KIF14: variants seen among roughly 807,000 people sequenced by gnomAD.
KIF14 encodes the protein kinesin family member 14, also known as kinesin-like protein KIF14.
Under a neutral mutation model 176.2 loss-of-function variants are expected in KIF14, and 98 were observed. The ratio of observed to expected loss-of-function variants is 0.56; its 90% CI spans 0.47 to 0.66. The LOEUF (loss-of-function observed/expected upper bound fraction) is 0.66. Ranked by LOEUF, KIF14 falls within the 30% of genes least tolerant of loss-of-function variation. The pLI, the probability that KIF14 is intolerant of heterozygous loss-of-function variation, is 0.00. For synonymous variants in KIF14, 566 were observed against 632.2 expected (o/e 0.90, Z 1.57); for missense variants, 1,751 against 1,920.4 (o/e 0.91, Z 1.65).
intron 16 of KIF14, 44 bp downstream of exon 16, chr1:200,592,036 A>T: frequency 3.4e-6 from 5 of 1,458,004 alleles, no homozygotes; most frequent in Non-Finnish European, 3.8e-6. Context: ...TCTGTTGTAG[A>T]TCTCTCTCAT....
intron 21 of KIF14, among the ~76,000 whole-genome samples, chr1:200,578,118 T>C (rs566715963): frequency 6.6e-6 from 1 of 152,314 alleles, no homozygotes; most frequent in East Asian, 1.9e-4. Flanking sequence ...TAACATACTT[T>C]TTAAATGTTC....
At chr1:200,563,889 T>A (rs993689688) in intron 25 of KIF14, among the ~76,000 whole-genome samples, 1 of 152,126 alleles carries the variant, frequency 6.6e-6, no homozygotes, top group Non-Finnish European at 1.5e-5. Context: ...TGCAGCTAGA[T>A]GTAGTCAAAT....
At chr1:200,599,435 T>C (rs940860017) in intron 13 of KIF14, among the ~76,000 whole-genome samples, 2 of 152,204 alleles carry the variant, frequency 1.3e-5, no homozygotes, top group African/African-American at 4.8e-5. Flanking sequence ...ATTAAAATCT[T>C]ACCCAAACTT....
chr1:200,591,329 C>T (rs938933269), intron 16 of KIF14, among the ~76,000 whole-genome samples: 4 of 152,118 alleles, frequency 2.6e-5, no homozygotes, highest in Non-Finnish European at 4.4e-5. Context: ...ACTATATTTA[C>T]CTTACTTCAA....
At chr1:200,574,451 T>G (rs1657987464) in intron 22 of KIF14, among the ~76,000 whole-genome samples, 1 of 152,218 alleles carries the variant, frequency 6.6e-6, no homozygotes, top group Non-Finnish European at 1.5e-5. Context: ...CCTGAGTATG[T>G]ATAAAACTCG....
intron 23 of KIF14, among the ~76,000 whole-genome samples, chr1:200,568,892 G>T (rs73070683): frequency 0.22 from 33,636 of 149,774 alleles, 5,323 homozygotes; most frequent in African/African-American, 0.44. Context: ...TTTTATTGCT[G>T]CATAGTAGTC....
At chr1:200,572,748 A>G (rs1657880117) in intron 22 of KIF14, among the ~76,000 whole-genome samples, 1 of 152,248 alleles carries the variant, frequency 6.6e-6, no homozygotes, top group Non-Finnish European at 1.5e-5. Context: ...ATACAAACCT[A>G]GTAATCCTAA....
intron 23 of KIF14, 72 bp from the exon 24 acceptor site, chr1:200,565,741 C>A: frequency 1.0e-6 from 1 of 981,674 alleles, no homozygotes. Context: ...AAAAAGGGAT[C>A]CTTACTTTAT....
In KIF14 at chr1:200,592,188, A is replaced by G. The variant is rs1659088101; in HGVS notation, c.2705T>C (p.Val902Ala). 5.6e-6 allele frequency: 9 copies of G among 1,613,806 alleles called. No individual in the cohort carries two copies. Among genetic ancestry groups the G allele is most frequent in the Non-Finnish European group, 7.6e-6 (9 of 1,179,860 alleles). The change falls in exon 16 of 30, where the codon GTA becomes GCA. Residue 902 changes from valine to alanine, a missense_variant. Physicochemically the swap from Val to Ala is moderately conservative, Grantham distance 64. Transcript: ENST00000367350. ...GDHYFRFNHP[V>A]EVQKGKRPSG... ...TGGCCTTTTTCCTTTCTGGACTTCTACTGGATGATTAAATCTAAAATAATG... is the reference window on the plus strand; with the variant it reads ...TGGCCTTTTTCCTTTCTGGACTTCTGCTGGATGATTAAATCTAAAATAATG...
At position 200,614,493 on chromosome 1, in the gene KIF14, G is replaced by A; in HGVS notation, c.1368-88C>T. 6.7e-6 allele frequency: 5 copies of A among 747,630 alleles called. No homozygotes were observed. In the South Asian group the frequency reaches 9.1e-5, roughly 14 times the overall value. 46.3% of individuals were successfully genotyped at this position (747,630 alleles called of 1,614,324 possible). On this transcript the variant is annotated intron_variant, in intron 3 of 29. Coordinates refer to ENST00000367350, the MANE Select transcript of KIF14 (RefSeq NM_014875.3). ...GGGAAATAGGCTGGGAAGGGAGTAG[G>A]AAGCAAGTTCACTGAATCTCATAAT...
chr1:200,603,864 G>A lies in KIF14; in HGVS notation c.1838C>T (p.Ala613Val), dbSNP rs768622346. The change falls in exon 9 of 30, where the codon GCT becomes GTT. Residue 613 changes from alanine to valine, a missense_variant. Transcript: ENST00000367350. Reference sequence around the variant, plus strand: ...CTTTAGTCGATCTCCATTAGTGTGAGCCGTAGAGCAGCGCTCACTGCCTGC... The same window carrying A: ...CTTTAGTCGATCTCCATTAGTGTGAACCGTAGAGCAGCGCTCACTGCCTGC... ...DLAGSERCST[A>V]HTNGDRLKEG... 2.2e-5 allele frequency: 35 copies of A among 1,608,326 alleles called. No individual in the cohort carries two copies. Among genetic ancestry groups the A allele is most frequent in the Non-Finnish European group, 2.7e-5 (32 of 1,174,836 alleles).
chr1:200,562,563 C>G (rs1272068860), intron 25 of KIF14, among the ~76,000 whole-genome samples: 1 of 152,180 alleles, frequency 6.6e-6, no homozygotes, highest in Non-Finnish European at 1.5e-5. Flanking sequence ...TGTTCTCCCA[C>G]TATTCTAGTA....
intron 12 of KIF14, 48 bp from the exon 13 acceptor site, chr1:200,600,161 T>A: frequency 1.4e-6 from 2 of 1,380,250 alleles, no homozygotes; most frequent in Non-Finnish European, 2.0e-6. Context: ...TCCAGATGTA[T>A]AAGATTGAGA....
At chr1:200,605,930 A>G in intron 6 of KIF14, 36 bp from the exon 7 acceptor site, 1 of 1,252,546 alleles carries the variant, frequency 8.0e-7, no homozygotes, top group African/African-American at 1.5e-5. Context: ...AATCAATTTT[A>G]CTGATGATTA....
intron 2 of KIF14, among the ~76,000 whole-genome samples, chr1:200,616,576 C>G (rs1436093557): frequency 6.6e-6 from 1 of 152,200 alleles, no homozygotes; most frequent in South Asian, 2.1e-4. Flanking sequence ...CTACTGACCC[C>G]TTAGGTTCAA....
rs372299794 is a variant in KIF14 at position 200,618,076 on chromosome 1, A to C, written c.648T>G (p.Ser216Arg). 1.7e-5 allele frequency: 28 copies of C among 1,613,988 alleles called. No homozygotes were observed. Among genetic ancestry groups the C allele is most frequent in the Non-Finnish European group, 2.3e-5 (27 of 1,179,978 alleles). The change falls in exon 2 of 30, where the codon AGT becomes AGG. Residue 216 changes from serine (S) to arginine (R), a missense_variant. By Grantham distance (110) the Ser-to-Arg change is moderately radical. Coordinates refer to ENST00000367350, the MANE Select transcript of KIF14 (RefSeq NM_014875.3). ...ANENVALKYS[S>R]NRPPIASLSQ... ...TCAGGGAAGCAATGGGTGGTCTATT[A>C]CTTGAGTACTTAAGTGCAACATTTT... is the stretch of plus-strand genomic sequence containing the variant.
At chr1:200,580,698 A>G (rs1658394762) in intron 20 of KIF14, among the ~76,000 whole-genome samples, 1 of 152,168 alleles carries the variant, frequency 6.6e-6, no homozygotes, top group African/African-American at 2.4e-5. Flanking sequence ...ATATACTAGT[A>G]TGTTAATTGT....
At chr1:200,567,830 G>A (rs1379424166) in intron 23 of KIF14, among the ~76,000 whole-genome samples, 1 of 150,886 alleles carries the variant, frequency 6.6e-6, no homozygotes, top group African/African-American at 2.4e-5. Flanking sequence ...ACAAAGGTAA[G>A]AGTTTGGTTT....
At position 200,553,696 on chromosome 1, in the gene KIF14, T is replaced by G. The variant is rs1004814962; in HGVS notation, c.4639A>C (p.Ser1547Arg). Residue 1547 changes from serine (S) to arginine (R), a missense_variant, in exon 30 of 30, where the codon AGT (serine) becomes CGT (arginine). Physicochemically the swap from Ser to Arg is moderately radical, Grantham distance 110. Transcript: ENST00000367350. The part of the protein sequence containing the change: ...SIRNLASDFY[S>R]DFSVPSTSVG... Reference sequence around the variant, plus strand: ...GAAGTAGAAGGCACACTGAAGTCACTGTAAAAATCACTGGCCAAGTTGCGA... The same window carrying G: ...GAAGTAGAAGGCACACTGAAGTCACGGTAAAAATCACTGGCCAAGTTGCGA... 4.3e-6 allele frequency: 7 copies of G among 1,612,962 alleles called. No individual in the cohort carries two copies. Among genetic ancestry groups the G allele is most frequent in the Admixed American group, 1.7e-5 (1 of 59,952 alleles).
Sources: gnomAD v4.1 joint callset for allele counts (sites outside exome capture counted in the v4.1 genomes callset) on GRCh38, gnomAD v4.1.1 for gene constraint, MANE v1.5 for transcripts, NCBI Gene and HGNC (gene_info 2026-07-23, HGNC 2026-07-21) for gene names.